PABPC4L: variants seen among roughly 807,000 people sequenced by gnomAD.
PABPC4L encodes poly(A) binding protein cytoplasmic 4 like.
For missense variants in PABPC4L, 452 were observed against 451.4 expected, an observed-to-expected ratio of 1.00 and a Z score of -0.01; for synonymous variants, 169 against 164.1, an observed-to-expected ratio of 1.03 and a Z score of -0.23.
At chr4:133,967,362 A>T in the PABPC4L span, among the ~76,000 whole-genome samples, 1 of 152,196 alleles carries the variant, frequency 6.6e-6, no homozygotes, top group Non-Finnish European at 1.5e-5. Flanking sequence ...CTTGAAAGAC[A>T]TTCCACTCTA....
At chr4:133,974,075 A>G in the PABPC4L span, among the ~76,000 whole-genome samples, 16 of 152,280 alleles carry the variant, frequency 1.1e-4, no homozygotes, top group South Asian at 2.7e-3. Flanking sequence ...AGTAAAAACA[A>G]TGTTGGATAA....
At chr4:133,994,913 T>C in the PABPC4L span, among the ~76,000 whole-genome samples, 600 of 152,308 alleles carry the variant, frequency 3.9e-3, 6 homozygotes, top group African/African-American at 0.014. Flanking sequence ...AATCCCACTG[T>C]TCCCAGAGGC....
At chr4:134,162,321 C>G in the PABPC4L span, among the ~76,000 whole-genome samples, 1 of 151,904 alleles carries the variant, frequency 6.6e-6, no homozygotes, top group East Asian at 1.9e-4. Flanking sequence ...TATTACAATC[C>G]TAAATATATA....
At chr4:134,044,789 T>A in the PABPC4L span, among the ~76,000 whole-genome samples, 1 of 152,210 alleles carries the variant, frequency 6.6e-6, no homozygotes, top group Non-Finnish European at 1.5e-5. Flanking sequence ...AGCATTAGAA[T>A]TATGAATTTT....
At chr4:134,159,585 A>G in the PABPC4L span, among the ~76,000 whole-genome samples, 1 of 152,110 alleles carries the variant, frequency 6.6e-6, no homozygotes, top group Non-Finnish European at 1.5e-5. Context: ...GAGCATTTAG[A>G]CCAACACTGG....
chr4:134,007,506 A>C, the PABPC4L span, among the ~76,000 whole-genome samples: 2 of 151,640 alleles, frequency 1.3e-5, no homozygotes, highest in South Asian at 4.2e-4. Context: ...TCTATCCCAC[A>C]CAATTCAAGT....
At chr4:134,070,121 T>C in the PABPC4L span, among the ~76,000 whole-genome samples, 1 of 151,824 alleles carries the variant, frequency 6.6e-6, no homozygotes, top group Non-Finnish European at 1.5e-5. Context: ...CAGGAATGTG[T>C]GCTGTGTGGT....
the PABPC4L span, among the ~76,000 whole-genome samples, chr4:134,150,424 T>G: frequency 6.6e-6 from 1 of 152,152 alleles, no homozygotes; most frequent in African/African-American, 2.4e-5. Flanking sequence ...TTAATAAATA[T>G]GGAGTATGTC....
At chr4:133,995,927 C>T in the PABPC4L span, among the ~76,000 whole-genome samples, 1 of 152,092 alleles carries the variant, frequency 6.6e-6, no homozygotes, top group Non-Finnish European at 1.5e-5. Context: ...GGGCTAGTGG[C>T]TCCCTTTTCT....
the PABPC4L span, among the ~76,000 whole-genome samples, chr4:133,954,031 C>T: frequency 6.6e-6 from 1 of 152,234 alleles, no homozygotes; most frequent in African/African-American, 2.4e-5. Flanking sequence ...GAGAGGGAAC[C>T]TGTTAGACAG....
At chr4:133,966,194 C>T in the PABPC4L span, among the ~76,000 whole-genome samples, 9 of 152,002 alleles carry the variant, frequency 5.9e-5, no homozygotes, top group East Asian at 1.9e-4. Flanking sequence ...AAATGGCCAA[C>T]GAACATTATG....
At chr4:134,156,915 A>C in the PABPC4L span, among the ~76,000 whole-genome samples, 1 of 151,920 alleles carries the variant, frequency 6.6e-6, no homozygotes, top group East Asian at 1.9e-4. Flanking sequence ...GCTGAGGTAC[A>C]CTCTAATTTA....
the PABPC4L span, among the ~76,000 whole-genome samples, chr4:134,139,365 G>A: frequency 6.6e-6 from 1 of 151,904 alleles, no homozygotes; most frequent in Non-Finnish European, 1.5e-5. Context: ...CATTGTTGCT[G>A]ACTGCTAGAA....
the PABPC4L span, among the ~76,000 whole-genome samples, chr4:134,140,186 G>C: frequency 6.6e-6 from 1 of 151,652 alleles, no homozygotes. Flanking sequence ...GTATTGGATG[G>C]TATTCTAGAA....
chr4:134,038,583 T>G, the PABPC4L span, among the ~76,000 whole-genome samples: 2 of 152,176 alleles, frequency 1.3e-5, no homozygotes, highest in Admixed American at 1.3e-4. Flanking sequence ...TATCCATTTC[T>G]TCTAGATTTT....
At chr4:133,993,154 AT>A in the PABPC4L span, among the ~76,000 whole-genome samples, 2 of 152,174 alleles carry the variant, frequency 1.3e-5, no homozygotes, top group Non-Finnish European at 2.9e-5. Flanking sequence ...GCTGATTGAA[AT>A]TTATGATGTA....
the PABPC4L span, among the ~76,000 whole-genome samples, chr4:134,035,822 T>C: frequency 6.6e-6 from 1 of 152,114 alleles, no homozygotes; most frequent in Non-Finnish European, 1.5e-5. Flanking sequence ...CATGTTTTTA[T>C]GCACCTTCAT....
At chr4:134,163,110 A>C in the PABPC4L span, among the ~76,000 whole-genome samples, 1 of 152,196 alleles carries the variant, frequency 6.6e-6, no homozygotes, top group Non-Finnish European at 1.5e-5. Context: ...ATAGACCATT[A>C]GCTATAGAAG....
chr4:134,176,232 G>A, the PABPC4L span, among the ~76,000 whole-genome samples: 2 of 151,954 alleles, frequency 1.3e-5, no homozygotes, highest in Non-Finnish European at 2.9e-5. Flanking sequence ...ATAATTAATA[G>A]AAAACTCAAG....
Sources: gnomAD v4.1 joint callset for allele counts (sites outside exome capture counted in the v4.1 genomes callset) on GRCh38, gnomAD v4.1.1 for gene constraint, MANE v1.5 for transcripts, NCBI Gene and HGNC (gene_info 2026-07-23, HGNC 2026-07-21) for gene names.